Variants in BCAS1 observed in about 807,000 individuals in gnomAD.
BCAS1 encodes brain enriched myelin associated protein 1, also known as breast carcinoma-amplified sequence 1.
Under a neutral mutation model 65.4 loss-of-function variants are expected in BCAS1, and 46 were observed. The observed-to-expected ratio is 0.70, with a 90% CI of 0.55 to 0.90. The LOEUF is 0.90. BCAS1 is among the 40% of genes least tolerant of loss of function. BCAS1 has a pLI of 0.00. For synonymous variants in BCAS1, 298 were observed against 293.5 expected (o/e 1.02, Z -0.16); for missense variants, 793 against 771.2 (o/e 1.03, Z -0.33).
At chr20:54,015,111 C>A (rs1253118826) in intron 4 of BCAS1, among the ~76,000 whole-genome samples, 1 of 151,448 alleles carries the variant, frequency 6.6e-6, no homozygotes, top group Non-Finnish European at 1.5e-5. Flanking sequence ...CGTCTCACTG[C>A]AACCTCCGCC....
At chr20:54,007,184 C>T (rs1043349267) in intron 4 of BCAS1, among the ~76,000 whole-genome samples, 11 of 152,194 alleles carry the variant, frequency 7.2e-5, no homozygotes, top group Non-Finnish European at 1.2e-4. Flanking sequence ...CTAGGTTGCC[C>T]GCAGCTCCTG....
At chr20:54,058,233 C>A (rs554781948) in intron 2 of BCAS1, 79 bp from the exon 3 acceptor site, 2 of 1,266,032 alleles carry the variant, frequency 1.6e-6, no homozygotes, top group Non-Finnish European at 2.3e-6. Flanking sequence ...CTCTAAGATA[C>A]AAGGGTGTCT....
intron 7 of BCAS1, among the ~76,000 whole-genome samples, chr20:53,986,562 G>A (rs980745992): frequency 1.3e-5 from 2 of 151,958 alleles, no homozygotes; most frequent in Admixed American, 1.3e-4. Context: ...TAATATCCTT[G>A]AATAAATTTT....
intron 4 of BCAS1, among the ~76,000 whole-genome samples, chr20:54,014,084 T>G (rs924937871): frequency 1.3e-5 from 2 of 152,196 alleles, no homozygotes; most frequent in African/African-American, 4.8e-5. Context: ...ACAGTTGTGA[T>G]GAGAGTCCAG....
rs1476070026 is a variant in BCAS1 at position 54,029,175 on chromosome 20, G to A, written c.143-203C>T. 7.1e-6 allele frequency: 7 copies of A among 985,292 alleles called. No individual in the cohort carries two copies. In the Admixed American group the frequency reaches 2.5e-4, roughly 35 times the overall value. The allele number at this position is 985,292 out of a possible 1,614,324, so 61.0% of individuals were successfully genotyped here. ...TGGGAGAGGAGAAGGCAAGGTTGGTGAGGAGGGAAAGCTACTTAATGGAAA... is the reference window on the plus strand; with the variant it reads ...TGGGAGAGGAGAAGGCAAGGTTGGTAAGGAGGGAAAGCTACTTAATGGAAA... On this transcript the variant is annotated intron_variant, in intron 3 of 12. Transcript: ENST00000688948.
intron 3 of BCAS1, among the ~76,000 whole-genome samples, chr20:54,044,947 G>A (rs777176964): frequency 4.0e-5 from 6 of 150,436 alleles, no homozygotes; most frequent in Middle Eastern, 3.6e-3. Context: ...GCTGTGACTC[G>A]TGCCTCTAAT....
chr20:53,950,096 T>C (rs978500530), intron 12 of BCAS1, among the ~76,000 whole-genome samples: 1 of 152,170 alleles, frequency 6.6e-6, no homozygotes, highest in African/African-American at 2.4e-5. Flanking sequence ...TTAATATCTG[T>C]GAGTAGCTTC....
intron 2 of BCAS1, 54 bp downstream of exon 2, chr20:54,058,593 C>CTT (rs3043223): frequency 0.09 from 107,815 of 1,203,498 alleles, 2,464 homozygotes; most frequent in East Asian, 0.1. Context: ...ACAGGAAGTT[C>CTT]TTTTTTTTTT....
chr20:54,021,676 A>G (rs2146039118), intron 4 of BCAS1, among the ~76,000 whole-genome samples: 1 of 152,214 alleles, frequency 6.6e-6, no homozygotes, highest in East Asian at 1.9e-4. Context: ...TGGGAGATGA[A>G]CAATGAGAAC....
chr20:53,977,936 T>C (rs900469786), intron 8 of BCAS1, among the ~76,000 whole-genome samples: 9 of 152,004 alleles, frequency 5.9e-5, no homozygotes, highest in African/African-American at 1.7e-4. Flanking sequence ...ATGTGCACAA[T>C]GTGCAGGTTA....
intron 10 of BCAS1, among the ~76,000 whole-genome samples, chr20:53,963,434 T>C (rs896094662): frequency 1.0e-3 from 159 of 151,994 alleles, no homozygotes; most frequent in African/African-American, 3.7e-3. Flanking sequence ...CGGGCAGAGA[T>C]TGTGCCATTG....
intron 4 of BCAS1, among the ~76,000 whole-genome samples, chr20:53,997,059 T>G (rs2090935419): frequency 1.3e-5 from 2 of 152,222 alleles, no homozygotes; most frequent in African/African-American, 4.8e-5. Context: ...TTGGAGAGAT[T>G]GTCCCTAAAC....
chr20:54,004,868 C>G (rs1011924597), intron 4 of BCAS1, among the ~76,000 whole-genome samples: 3 of 152,196 alleles, frequency 2.0e-5, no homozygotes, highest in Non-Finnish European at 2.9e-5. Flanking sequence ...TGCACTTTCC[C>G]TAACTCTAGG....
At chr20:54,058,863 A>C (rs2092339776) in intron 1 of BCAS1, 140 bp from the exon 2 acceptor site, 3 of 905,798 alleles carry the variant, frequency 3.3e-6, no homozygotes, top group Admixed American at 2.5e-5. Flanking sequence ...TGCTTGTATT[A>C]GTCCGTTCTC....
intron 10 of BCAS1, among the ~76,000 whole-genome samples, chr20:53,963,538 G>T (rs559689928): frequency 1.3e-5 from 2 of 152,184 alleles, no homozygotes; most frequent in Admixed American, 1.3e-4. Flanking sequence ...GAAAATCAAT[G>T]ATTTGGTGAA....
At chr20:54,063,701 G>T (rs986131175) in intron 1 of BCAS1, among the ~76,000 whole-genome samples, 1 of 152,156 alleles carries the variant, frequency 6.6e-6, no homozygotes, top group African/African-American at 2.4e-5. Context: ...AGAATGACTT[G>T]GGTGGAGACT....
At chr20:53,957,533 A>G in intron 10 of BCAS1, 36 bp from the exon 11 acceptor site, 1 of 1,582,186 alleles carries the variant, frequency 6.3e-7, no homozygotes. Context: ...TTCAGCCACA[A>G]GTACAGTGAC....
chr20:53,978,711 T>G (rs533270824), intron 8 of BCAS1, among the ~76,000 whole-genome samples: 27 of 152,318 alleles, frequency 1.8e-4, no homozygotes, highest in Middle Eastern at 3.4e-3. Context: ...TGTTAGTGGT[T>G]GTTGAAATAT....
intron 1 of BCAS1, among the ~76,000 whole-genome samples, chr20:54,068,805 C>A (rs756544734): frequency 3.7e-4 from 56 of 152,228 alleles, no homozygotes; most frequent in Admixed American, 2.0e-3. Context: ...AAGCTGCAGA[C>A]ACAGAGACAA....
Sources: allele counts gnomAD v4.1 joint callset (sites outside exome capture counted in the v4.1 genomes callset), GRCh38; gene constraint gnomAD v4.1.1; transcripts MANE v1.5; gene names NCBI Gene and HGNC (gene_info 2026-07-23, HGNC 2026-07-21).